Variants in FAHD1 observed in about 807,000 individuals in gnomAD.
The protein encoded by FAHD1 is oxaloacetate tautomerase FAHD1, mitochondrial.
FAHD1 carries 14 observed loss-of-function variants against 12.7 expected under a neutral mutation model. The ratio of observed to expected loss-of-function variants is 1.10; its 90% CI spans 0.73 to 1.72. The LOEUF is 1.72. Ranked by LOEUF, FAHD1 falls within the 40% of genes most tolerant of loss-of-function variation. The pLI is 0.00. For synonymous variants in FAHD1, 153 were observed against 124.9 expected (o/e 1.22, Z -1.50); for missense variants, 351 against 298.9 (o/e 1.17, Z -1.29).
downstream of FAHD1, among the ~76,000 whole-genome samples, chr16:1,830,578 G>A (rs1898601203): frequency 6.6e-6 from 1 of 152,162 alleles, no homozygotes; most frequent in African/African-American, 2.4e-5. Flanking sequence ...TCACCACAGT[G>A]GTAGAACAAG....
At chr16:1,836,423 G>A (rs1410428283) in intron 1 of FAHD1, among the ~76,000 whole-genome samples, 1 of 152,192 alleles carries the variant, frequency 6.6e-6, no homozygotes, top group Non-Finnish European at 1.5e-5. Flanking sequence ...TCATTAGCAA[G>A]TGGTGCCTCC....
chr16:1,834,482 A>G, intron 1 of FAHD1: 1 of 593,054 alleles, frequency 1.7e-6, no homozygotes, highest in South Asian at 2.2e-5. Context: ...TTGTTTACAG[A>G]TACTAATATA....
downstream of FAHD1, among the ~76,000 whole-genome samples, chr16:1,829,928 A>G (rs771127686): frequency 6.6e-6 from 1 of 151,898 alleles, no homozygotes; most frequent in African/African-American, 2.4e-5. Context: ...CAGTGGCACA[A>G]TCTCGGCTCA....
In FAHD1 at chr16:1,827,354, C is replaced by T. The variant is rs142644041; in HGVS notation, c.116C>T (p.Pro39Leu). ...ATGCGCAGCGCGGTGTTGAGCGAGC[C>T]CGTGCTGTTCCTGAAGCCGTCCACG... The change falls in exon 1 of 1, where the codon CCC becomes CTC. Residue 39 changes from proline to leucine, a missense_variant. Coordinates refer to ENST00000427358, the Ensembl canonical transcript of FAHD1. 11 of 1,612,926 alleles carry T rather than the reference C, an allele frequency of 6.8e-6. No homozygotes were observed. The African/African-American group carries it at 1.5e-4, about 22-fold the overall frequency.
chr16:1,833,093 C>A (rs139424113), downstream of FAHD1, among the ~76,000 whole-genome samples: 1 of 152,076 alleles, frequency 6.6e-6, no homozygotes, highest in African/African-American at 2.4e-5. Flanking sequence ...CCTCCCAGGC[C>A]GTGGGTCAAC....
chr16:1,832,170 T>C (rs1248442054), downstream of FAHD1, among the ~76,000 whole-genome samples: 1 of 62,806 alleles, frequency 1.6e-5, no homozygotes, highest in African/African-American at 6.4e-5. Context: ...ATCATGGCTA[T>C]GGTCATTCTT....
downstream of FAHD1, among the ~76,000 whole-genome samples, chr16:1,833,553 A>G (rs111486214): frequency 6.1e-5 from 6 of 99,046 alleles, no homozygotes; most frequent in Non-Finnish European, 9.9e-5. Context: ...CTTTAGAGGT[A>G]CTTTTTTTTT....
At chr16:1,827,565 C>T in exon 1 of FAHD1, 1 of 1,613,448 alleles carries the variant, frequency 6.2e-7, no homozygotes, top group Middle Eastern at 1.7e-4. Context: ...AGGACGAGTG[C>T]AAGAAGAAGG....
At chr16:1,831,755 C>G (rs916200846), downstream of FAHD1, among the ~76,000 whole-genome samples, 1 of 152,182 alleles carries the variant, frequency 6.6e-6, no homozygotes, top group East Asian at 1.9e-4. Flanking sequence ...TTCTGCTTCC[C>G]GTCAGATCAG....
At chr16:1,831,487 C>T (rs1026712979), downstream of FAHD1, among the ~76,000 whole-genome samples, 1 of 152,152 alleles carries the variant, frequency 6.6e-6, no homozygotes, top group Admixed American at 6.5e-5. Context: ...CCCGCCCTTT[C>T]CATAGCTTCC....
At chr16:1,839,177 C>A in intron 2 of FAHD1, 1 of 1,436,664 alleles carries the variant, frequency 7.0e-7, no homozygotes, top group South Asian at 1.6e-5. Flanking sequence ...AAATGTTTGA[C>A]AAAACAACCT....
At chr16:1,839,404 T>G in exon 3 of FAHD1, 8 of 1,613,174 alleles carry the variant, frequency 5.0e-6, no homozygotes, top group Non-Finnish European at 5.9e-6. Context: ...GTGCACATGT[T>G]AGATGCTTCA....
downstream of FAHD1, chr16:1,828,940 C>G (rs1198214187): frequency 6.0e-6 from 6 of 998,898 alleles, no homozygotes; most frequent in Non-Finnish European, 7.2e-6. Context: ...TTTTTCCCCC[C>G]AGTAATGACG....
downstream of FAHD1, among the ~76,000 whole-genome samples, chr16:1,831,459 G>A (rs1374061478): frequency 6.6e-6 from 1 of 152,140 alleles, no homozygotes; most frequent in Non-Finnish European, 1.5e-5. Flanking sequence ...GAGTCTGTTG[G>A]CACCAGAATC....
At chr16:1,837,343 G>T (rs1052104132) in intron 1 of FAHD1, among the ~76,000 whole-genome samples, 3 of 151,686 alleles carry the variant, frequency 2.0e-5, no homozygotes, top group Admixed American at 2.0e-4. Flanking sequence ...CACAGGGTGG[G>T]TGGGGGTGGG....
chr16:1,829,004 C>A, downstream of FAHD1: 2 of 783,168 alleles, frequency 2.6e-6, no homozygotes, highest in Non-Finnish European at 3.2e-6. Context: ...TGACCTTTGG[C>A]CTTCTGAGCA....
chr16:1,827,397 C>G (rs374700352), exon 1 of FAHD1: 1 of 1,611,332 alleles, frequency 6.2e-7, no homozygotes, highest in South Asian at 1.1e-5. Flanking sequence ...CGCCCGAGGG[C>G]TCGCCCATCC....
intron 1 of FAHD1, among the ~76,000 whole-genome samples, chr16:1,836,642 T>C (rs900469046): frequency 5.3e-5 from 8 of 151,830 alleles, no homozygotes; most frequent in Non-Finnish European, 1.0e-4. Context: ...CTGCAAACTA[T>C]TCAGATGTGT....
At chr16:1,827,264 G>C (rs1567267000) in exon 1 of FAHD1, 1 of 1,611,988 alleles carries the variant, frequency 6.2e-7, no homozygotes, top group African/African-American at 1.3e-5. Context: ...CCATTGTCCC[G>C]CTTCTGGGAG....
Sources: allele counts gnomAD v4.1 joint callset (sites outside exome capture counted in the v4.1 genomes callset), GRCh38; gene constraint gnomAD v4.1.1; transcripts MANE v1.5; gene names NCBI Gene and HGNC (gene_info 2026-07-23, HGNC 2026-07-21).